The following DDB1 variants were observed in gnomAD, a reference collection of about 807,000 sequenced individuals.
DDB1 encodes the protein damage specific DNA binding protein 1, also known as DNA damage-binding protein 1.
A neutral mutation model predicts 133.1 loss-of-function variants in DDB1; 18 were observed. The ratio of observed to expected loss-of-function variants is 0.14; its 90% CI spans 0.09 to 0.20. The LOEUF (loss-of-function observed/expected upper bound fraction) is 0.20. DDB1 is among the 10% of genes least tolerant of loss of function. The pLI, the probability that DDB1 is intolerant of heterozygous loss-of-function variation, is 1.00. For missense variants in DDB1, 828 were observed against 1,459.2 expected, an observed-to-expected ratio of 0.57 and a Z score of 7.05; for synonymous variants, 580 against 550.5, an observed-to-expected ratio of 1.05 and a Z score of -0.75.
In DDB1 at chr11:61,309,872, A is replaced by T. The variant is rs1360400444; in HGVS notation, c.2490T>A (p.Ile830=). The T allele has an allele frequency of 6.2e-7, 1 of 1,614,156 alleles. No homozygotes were observed. The change falls in exon 20 of 27, where the codon ATT becomes ATA. Residue 830 remains isoleucine (I), a synonymous_variant. Coordinates refer to ENST00000301764, the MANE Select transcript of DDB1 (RefSeq NM_001923.5). ...CAGGATACACCATTGCTGTGCCCAC[A>T]ATGAAGTAAGTGTTGGGGTCTTTGC... ...KLGKDPNTYF[I]VGTAMVYPEE...
In DDB1 at chr11:61,310,435, T is replaced by C. The variant is rs749327518; in HGVS notation, c.2278-17A>G. 1.0e-5 allele frequency: 16 copies of C among 1,589,382 alleles called. No homozygotes were observed. Among genetic ancestry groups the C allele is most frequent in the Non-Finnish European group, 1.3e-5 (15 of 1,168,874 alleles). On this transcript the variant is annotated splice_polypyrimidine_tract_variant and intron_variant, in intron 18 of 26. Coordinates refer to ENST00000301764, the MANE Select transcript of DDB1 (RefSeq NM_001923.5). ...GGACAGAGCCTGCAAACAGAGAGAA[T>C]GCACATCATCCTTCTCAAACACAGA...
In DDB1 at chr11:61,322,370, T is replaced by A. The variant is rs1856195961; in HGVS notation, c.1048A>T (p.Met350Leu). The A allele has an allele frequency of 3.1e-6, 5 of 1,614,214 alleles. No homozygotes were observed. In the African/African-American group the frequency reaches 4.0e-5, roughly 13 times the overall value. Residue 350 changes from methionine to leucine, a missense_variant, in exon 9 of 27, where the codon ATG becomes TTG. Met to Leu is a conservative substitution (Grantham distance 15, BLOSUM62 2). Around this residue, in one of 7 missense-constraint regions of DDB1, gnomAD observed 35 missense variants for 123.3 expected, o/e 0.28. Coordinates refer to ENST00000301764, the MANE Select transcript of DDB1 (RefSeq NM_001923.5). ...SNEQGSYVVA[M>L]ETFTNLGPIV... ...GGTCCTAAGTTGGTAAAGGTTTCCA[T>A]GGCCACTACATAGGAGCCTTGTTCA... is the stretch of plus-strand genomic sequence containing the variant.
intron 21 of DDB1, among the ~76,000 whole-genome samples, chr11:61,308,721 GT>G (rs1354629235): frequency 6.6e-6 from 1 of 152,146 alleles, no homozygotes; most frequent in Non-Finnish European, 1.5e-5. Flanking sequence ...AACATCCTAC[GT>G]GCAGGGACCA....
chr11:61,322,223 T>C, intron 9 of DDB1, 73 bp downstream of exon 9: 1 of 1,196,900 alleles, frequency 8.4e-7, no homozygotes, highest in Non-Finnish European at 1.2e-6. Context: ...CTCCCCATTC[T>C]AGATAAGCAT....
chr11:61,305,011 C>A (rs753249722), intron 21 of DDB1, among the ~76,000 whole-genome samples: 1 of 152,186 alleles, frequency 6.6e-6, no homozygotes, highest in Admixed American at 6.5e-5. Context: ...CTACTTGGCA[C>A]GGCCCAGTGC....
At chr11:61,330,215 C>T (rs142652438) in intron 2 of DDB1, 141 bp from the exon 3 acceptor site, 7 of 631,858 alleles carry the variant, frequency 1.1e-5, no homozygotes, top group Middle Eastern at 4.3e-4. Context: ...AGCTTGTAAC[C>T]CACACTAGGT....
intron 10 of DDB1, among the ~76,000 whole-genome samples, chr11:61,317,529 C>T (rs540519940): frequency 7.9e-5 from 12 of 152,254 alleles, no homozygotes; most frequent in South Asian, 4.1e-4. Flanking sequence ...TTATTTGAGA[C>T]GGAGTCTTGC....
In DDB1 at chr11:61,330,071, C is replaced by A; in HGVS notation, c.214G>T (p.Glu72Ter). The stretch of plus-strand genomic sequence containing the variant: ...AAGATAAACAGCAGGTCCTTGCTCT[C>A]CCCCTGGAAACCAATATTATGCTAT... Reference protein sequence around the residue: ...AVMELFRPKGESKDLLFILTA... With the variant: ...AVMELFRPKG The change falls in exon 3 of 27, where the codon GAG (glutamate) becomes TAG (stop). Residue 72 changes from glutamate (E) to a stop codon, truncating the protein, a stop_gained. Transcript: ENST00000301764. LOFTEE classifies it high-confidence loss of function. The A allele has an allele frequency of 6.2e-7, 1 of 1,611,662 alleles. No individual in the cohort carries two copies. The highest frequency in any genetic ancestry group is 8.5e-7 in the Non-Finnish European group (1 of 1,178,192).
intron 3 of DDB1, 83 bp downstream of exon 3, chr11:61,329,875 C>T: frequency 1.7e-6 from 2 of 1,180,654 alleles, no homozygotes; most frequent in South Asian, 2.7e-5. Context: ...GAATAGAGAG[C>T]TGCCCCCAGC....
At chr11:61,326,024 G>A (rs1199247637) in intron 5 of DDB1, 2 of 401,108 alleles carry the variant, frequency 5.0e-6, no homozygotes, top group East Asian at 5.4e-5. Context: ...TCCTTTCCAA[G>A]TAAAAGCTTT....
At chr11:61,331,435 CTG>C (rs1856365692) in intron 2 of DDB1, 106 bp downstream of exon 2, 2 of 1,454,028 alleles carry the variant, frequency 1.4e-6, no homozygotes, top group Non-Finnish European at 1.9e-6. Flanking sequence ...CTGGGCAACA[CTG>C]TGAGACCCCC....
intron 19 of DDB1, 148 bp downstream of exon 19, chr11:61,310,147 C>CACTGCCA (rs1855940537): frequency 7.3e-7 from 1 of 1,362,950 alleles, no homozygotes; most frequent in Admixed American, 2.1e-5. Context: ...CCTCCAAACT[C>CACTGCCA]ACTGCCATCT....
At chr11:61,328,237 A>G (rs1395641051) in intron 4 of DDB1, among the ~76,000 whole-genome samples, 1 of 152,256 alleles carries the variant, frequency 6.6e-6, no homozygotes, top group Non-Finnish European at 1.5e-5. Flanking sequence ...ACCTTATTCA[A>G]TTGGGTCTTA....
rs1023451675 is a variant in DDB1, at chr11:61,325,999, C to A, written c.665-291G>T. The A allele has an allele frequency of 1.6e-4, 75 of 480,276 alleles. 1 individual carries two copies. Among genetic ancestry groups the A allele is most frequent in the African/African-American group, 1.4e-3 (71 of 51,056 alleles). 29.8% of individuals were successfully genotyped at this position (480,276 alleles called of 1,614,324 possible). On this transcript the variant is annotated intron_variant, in intron 5 of 26. Coordinates refer to ENST00000301764, the MANE Select transcript of DDB1 (RefSeq NM_001923.5). The stretch of plus-strand genomic sequence containing the variant: ...TCCCCATGCATTCTCCCCCATTTTT[C>A]TTCTCAACTTCTAATCCTTTCCAAG...
chr11:61,324,200 T>TAC, intron 6 of DDB1, 63 bp from the exon 7 acceptor site: 1 of 1,588,320 alleles, frequency 6.3e-7, no homozygotes, highest in Non-Finnish European at 8.6e-7. Flanking sequence ...AAACAAACCC[T>TAC]ACTGGACCAC....
Position 61,300,051 on chromosome 11 carries a change from C to T in DDB1, c.*85G>A, listed in dbSNP as rs1025261125. The T allele has an allele frequency of 7.0e-7, 1 of 1,428,038 alleles. No individual in the cohort carries two copies. Among genetic ancestry groups the T allele is most frequent in the Non-Finnish European group, 9.8e-7 (1 of 1,017,064 alleles). The allele number at this position is 1,428,038 out of a possible 1,614,324, so 88.5% of individuals were successfully genotyped here. A position where few individuals can be genotyped will look rare whatever the true frequency, so the allele number is the denominator to read the frequency against. On this transcript the variant is annotated 3_prime_UTR_variant, in exon 27 of 27. Transcript: ENST00000301764. ...TGGCTTAGGGAAAGGCCTCCCATGG[C>T]CAAGAAGACGATGGTGGAGAGGAGG... is the stretch of plus-strand genomic sequence containing the variant.
chr11:61,318,238 T>C (rs2134921028), intron 10 of DDB1, among the ~76,000 whole-genome samples: 1 of 152,340 alleles, frequency 6.6e-6, no homozygotes, highest in African/African-American at 2.4e-5. Context: ...CTTCTCATTA[T>C]ATTTATTCAG....
intron 16 of DDB1, among the ~76,000 whole-genome samples, chr11:61,312,506 CTTT>C (rs954501705): frequency 2.5e-5 from 3 of 120,074 alleles, no homozygotes; most frequent in Admixed American, 8.2e-5. Flanking sequence ...CTCTCTCTCT[CTTT>C]TTTTTTTTTT....
chr11:61,328,469 T>C (rs938416923), intron 4 of DDB1, among the ~76,000 whole-genome samples: 5 of 152,182 alleles, frequency 3.3e-5, no homozygotes, highest in Admixed American at 6.5e-5. Flanking sequence ...GATACTGGCA[T>C]GTTAGTCTGG....
Sources: gnomAD v4.1 joint callset for allele counts (sites outside exome capture counted in the v4.1 genomes callset) on GRCh38, gnomAD v4.1.1 for gene constraint, gnomAD v4.1.1 regional missense constraint, MANE v1.5 for transcripts, NCBI Gene and HGNC (gene_info 2026-07-23, HGNC 2026-07-21) for gene names.